The following FOXM1 variants were observed in gnomAD, a reference collection of about 807,000 sequenced individuals.
FOXM1 encodes the protein forkhead box M1.
In FOXM1, 25 loss-of-function variants were observed where a neutral mutation model predicts 63.6. That is an observed-to-expected ratio of 0.39 (90% CI 0.29 to 0.55). The LOEUF is 0.55. FOXM1 is among the 20% of genes least tolerant of loss of function. The probability of loss-of-function intolerance (pLI) is 0.60; values close to 1 mark genes in which losing one functional copy is unlikely to be tolerated. For synonymous variants in FOXM1, 387 were observed against 376.9 expected (o/e 1.03, Z -0.31); for missense variants, 879 against 958.7 (o/e 0.92, Z 1.10).
intron 1 of FOXM1, chr12:2,876,422 G>T (rs1453698374): frequency 6.6e-6 from 1 of 152,182 alleles, no homozygotes; most frequent in Non-Finnish European, 1.5e-5. Context: ...TCTTGCCCGG[G>T]AAACTTCCAG....
In FOXM1 at chr12:2,874,707, G is replaced by A. The variant is rs73040521; in HGVS notation, c.-47-182C>T. Among the ~76,000 whole-genome samples the A allele has an allele frequency of 7.4e-3, 1,119 of 152,242 alleles. 13 individuals carry two copies. The highest frequency in any genetic ancestry group is 8.5e-3 in the Non-Finnish European group (581 of 68,014). On this transcript the variant is annotated intron_variant, in intron 1 of 8. Coordinates refer to ENST00000359843, the MANE Select transcript of FOXM1 (RefSeq NM_021953.4). The surrounding 1 kb of genome is among the most constrained non-coding windows in gnomAD (Gnocchi z 4.3). The stretch of plus-strand genomic sequence containing the variant: ...AGATAAGCTTTACTGACAAAAGAAG[G>A]CTAAAATTACAGCAGACAGAAGCAA...
At chr12:2,860,824 CACTGTACTTCAGCCTGGGTGACAT>C (rs2098110679) in intron 8 of FOXM1, among the ~76,000 whole-genome samples, 1 of 146,862 alleles carries the variant, frequency 6.8e-6, no homozygotes, top group Non-Finnish European at 1.5e-5. Context: ...AAGATCACAC[CACTGTACTTCAGCCTGGGTGACAT>C]AGCAAGACTC....
At chr12:2,875,741 T>C (rs1418878225) in intron 1 of FOXM1, among the ~76,000 whole-genome samples, 1 of 149,818 alleles carries the variant, frequency 6.7e-6, no homozygotes, top group Non-Finnish European at 1.5e-5. Flanking sequence ...TTTTTTTAAG[T>C]CTTTTGTTGA....
chr12:2,866,494 G>A lies in FOXM1; in HGVS notation c.874C>T (p.His292Tyr). The A allele has an allele frequency of 6.4e-7, 1 of 1,570,298 alleles. No homozygotes were observed. Among genetic ancestry groups the A allele is most frequent in the Admixed American group, 2.0e-5 (1 of 51,220 alleles). Residue 292 changes from histidine (H) to tyrosine (Y), a missense_variant, in exon 5 of 9, where the codon CAC (histidine) becomes TAC (tyrosine). Physicochemically the swap from His to Tyr is moderately conservative, Grantham distance 83. Coordinates refer to ENST00000359843, the MANE Select transcript of FOXM1 (RefSeq NM_021953.4). ...GACGTCTCCCGGACAAACATGTCGT[G>A]CAGGGAAAGGTTGTGGCGGATGGAG... Reference protein sequence around the residue: ...KNSIRHNLSLHDMFVRETSAN... With the variant: ...KNSIRHNLSLYDMFVRETSAN...
intron 2 of FOXM1, 78 bp downstream of exon 2, chr12:2,873,899 A>G: frequency 1.4e-6 from 2 of 1,480,182 alleles, no homozygotes; most frequent in Non-Finnish European, 1.8e-6. Flanking sequence ...TGTTGTAAGC[A>G]TCAAGACTGA....
chr12:2,868,508 G>T, intron 4 of FOXM1, 55 bp downstream of exon 4: 1 of 1,398,734 alleles, frequency 7.1e-7, no homozygotes, highest in Non-Finnish European at 1.0e-6. Flanking sequence ...GTACAGCACT[G>T]GAGAGACTGT....
intron 8 of FOXM1, among the ~76,000 whole-genome samples, chr12:2,862,844 A>G (rs1350956358): frequency 6.6e-6 from 1 of 151,976 alleles, no homozygotes; most frequent in Non-Finnish European, 1.5e-5. Flanking sequence ...GCATGGCCTA[A>G]AAGATTTTAT....
rs113635047 is a variant in FOXM1, at chr12:2,870,137, T to C, written c.655-1383A>G. 4.6e-5 allele frequency among the ~76,000 whole-genome samples: 7 copies of C among 151,906 alleles called. No homozygotes were observed. In the East Asian group the frequency reaches 1.4e-3, roughly 30 times the overall value. On this transcript the variant is annotated intron_variant, in intron 3 of 8. Transcript: ENST00000359843. ...TCCCGAGTAGCTGGGATTATAGGCA[T>C]GTACTACTGCACCCAGCTAATTTTG...
At position 2,866,454 on chromosome 12, in the gene FOXM1, A is replaced by G. The variant is rs747566493; in HGVS notation, c.914T>C (p.Val305Ala). ...FVRETSANGKVSFWTIHPSAN... is the reference protein window; with the variant it reads ...FVRETSANGKASFWTIHPSAN... ...ACTGGGGTGAATGGTCCAGAAGGAG[A>G]CCTTGCCATTGGCAGACGTCTCCCG... Residue 305 changes from valine (V) to alanine (A), a missense_variant, in exon 5 of 9, where the codon GTC becomes GCC. Transcript: ENST00000359843. 2.5e-6 allele frequency: 4 copies of G among 1,571,582 alleles called. No homozygotes were observed. The highest frequency in any genetic ancestry group is 3.8e-5 in the Admixed American group (2 of 52,478).
chr12:2,864,189 GT>G lies in FOXM1; in HGVS notation c.1266+130del. 2.5e-6 allele frequency: 2 copies of G among 805,086 alleles called. No individual in the cohort carries two copies. Among genetic ancestry groups the G allele is most frequent in the Non-Finnish European group, 4.0e-6 (2 of 499,906 alleles). 49.9% of individuals were successfully genotyped at this position (805,086 alleles called of 1,614,324 possible). ...TTCTAATGCTATTACACTTCCCTAT[GT>G]TTTTATGCCTTTTCTACCCAACTAG... is the stretch of plus-strand genomic sequence containing the variant. On this transcript the variant is annotated intron_variant, in intron 8 of 8. Coordinates refer to ENST00000359843, the MANE Select transcript of FOXM1 (RefSeq NM_021953.4). This position sits in a 1 kb window ranked among gnomAD's most constrained non-coding sequence, Gnocchi z 5.1.
At chr12:2,863,521 T>G (rs1212612649) in intron 8 of FOXM1, among the ~76,000 whole-genome samples, 1 of 151,896 alleles carries the variant, frequency 6.6e-6, no homozygotes, top group African/African-American at 2.4e-5. Flanking sequence ...CCTGAGTAGC[T>G]GGTACCACAG....
intron 3 of FOXM1, among the ~76,000 whole-genome samples, chr12:2,869,738 T>C (rs1385010980): frequency 4.2e-5 from 5 of 119,590 alleles, no homozygotes; most frequent in Admixed American, 7.8e-5. Flanking sequence ...CGCCTGGCGA[T>C]TTTTTTTTTT....
At position 2,874,386 on chromosome 12, in the gene FOXM1, T is replaced by G. The variant is rs1565479797; in HGVS notation, c.93A>C (p.Glu31Asp). The G allele has an allele frequency of 6.2e-7, 1 of 1,614,100 alleles. No homozygotes were observed. Among genetic ancestry groups the G allele is most frequent in the East Asian group, 2.2e-5 (1 of 44,872 alleles). ...CCTGTTGGGCAGGGGATCTCTTAGGTTCCTCCTCTGATGTTTCACTTGGGG... is the reference window on the plus strand; with the variant it reads ...CCTGTTGGGCAGGGGATCTCTTAGGGTCCTCCTCTGATGTTTCACTTGGGG... ...QNAPSETSEE[E>D]PKRSPAQQES... The change falls in exon 2 of 9, where the codon GAA becomes GAC. Residue 31 changes from glutamate (E) to aspartate (D), a missense_variant. Coordinates refer to ENST00000359843, the MANE Select transcript of FOXM1 (RefSeq NM_021953.4). The surrounding 1 kb of genome is among the most constrained non-coding windows in gnomAD (Gnocchi z 4.3).
intron 8 of FOXM1, among the ~76,000 whole-genome samples, chr12:2,862,916 C>A (rs2098116614): frequency 2.0e-5 from 3 of 152,074 alleles, no homozygotes; most frequent in African/African-American, 2.4e-5. Context: ...ATTTTCATCT[C>A]TCTGAAGGGG....
chr12:2,858,580 T>C lies in FOXM1; in HGVS notation c.*58A>G, dbSNP rs905200592. On this transcript the variant is annotated 3_prime_UTR_variant, in exon 9 of 9. Coordinates refer to ENST00000359843, the MANE Select transcript of FOXM1 (RefSeq NM_021953.4). ...CCTCACTCAGAGGCTTGGGGTGCAC[T>C]GAGCCTTGGAGTGCCCGGGATGGTG... 22 of 1,491,754 alleles carry C rather than the reference T, an allele frequency of 1.5e-5. No homozygotes were observed. In the African/African-American group the frequency reaches 2.2e-4, roughly 15 times the overall value. The allele number at this position is 1,491,754 out of a possible 1,614,324, so 92.4% of individuals were successfully genotyped here.
In FOXM1 at chr12:2,874,086, G is replaced by C. The variant is rs1325686758; in HGVS notation, c.393C>G (p.Ala131=). The change falls in exon 2 of 9, where the codon GCC becomes GCG. Residue 131 remains alanine, a synonymous_variant. Transcript: ENST00000359843. The surrounding 1 kb of genome is among the most constrained non-coding windows in gnomAD (Gnocchi z 4.3). ...TCTCCAGGGTCACTTCTGTCCTTTT[G>C]GCATCATAGCTGGTTTGGGTTTGAG... ...LRPQTQTSYD[A]KRTEVTLETL... 4.3e-6 allele frequency: 7 copies of C among 1,614,016 alleles called. No homozygotes were observed. Among genetic ancestry groups the C allele is most frequent in the Non-Finnish European group, 5.9e-6 (7 of 1,180,034 alleles).
In FOXM1 at chr12:2,872,009, G is replaced by T; in HGVS notation, c.654+87C>A. On this transcript the variant is annotated intron_variant, in intron 3 of 8. Transcript: ENST00000359843. The surrounding 1 kb of genome is among the most constrained non-coding windows in gnomAD (Gnocchi z 4.0). ...GCTAATACCAGAACTTGGAAATTCT[G>T]GTCCATCAGGCCACTTGATCCATTT... The T allele has an allele frequency of 7.3e-7, 1 of 1,373,698 alleles. No individual in the cohort carries two copies. The highest frequency in any genetic ancestry group is 1.0e-6 in the Non-Finnish European group (1 of 965,234). The allele number at this position is 1,373,698 out of a possible 1,614,324, so 85.1% of individuals were successfully genotyped here.
At chr12:2,859,790 G>A (rs934982894) in intron 8 of FOXM1, 127 bp from the exon 9 acceptor site, 16 of 696,966 alleles carry the variant, frequency 2.3e-5, no homozygotes, top group African/African-American at 1.1e-4. Flanking sequence ...ATGAGAATAC[G>A]ATGTATGTTG....
intron 8 of FOXM1, chr12:2,861,162 C>T (rs557460049): frequency 2.2e-4 from 115 of 524,530 alleles, no homozygotes; most frequent in African/African-American, 1.3e-3. Flanking sequence ...AGCAAGACTC[C>T]GTCTCAAAAA....
Sources: allele counts gnomAD v4.1 joint callset (sites outside exome capture counted in the v4.1 genomes callset), GRCh38; gene constraint gnomAD v4.1.1; non-coding constraint Gnocchi (gnomAD v3.1); transcripts MANE v1.5; gene names NCBI Gene and HGNC (gene_info 2026-07-23, HGNC 2026-07-21).